Variants in MNS1 observed in about 807,000 individuals in gnomAD.
MNS1 encodes meiosis specific nuclear structural 1, also known as meiosis-specific nuclear structural protein 1.
Under a neutral mutation model 72.0 loss-of-function variants are expected in MNS1, and 63 were observed. The ratio of observed to expected loss-of-function variants is 0.87; its 90% CI spans 0.71 to 1.08. The LOEUF (loss-of-function observed/expected upper bound fraction) is 1.08. MNS1 is among the 50% of genes least tolerant of loss of function. MNS1 has a pLI of 0.00. For synonymous variants in MNS1, 188 were observed against 172.1 expected, an observed-to-expected ratio of 1.09 and a Z score of -0.72; for missense variants, 604 against 562.4, an observed-to-expected ratio of 1.07 and a Z score of -0.75.
At chr15:56,449,322 C>CTTTTTTTTTTTTTTTTTTTTTTTT (rs576363039) in intron 3 of MNS1, among the ~76,000 whole-genome samples, 15 of 151,230 alleles carry the variant, frequency 9.9e-5, no homozygotes, top group African/African-American at 3.2e-4. Flanking sequence ...TTGCTACACT[C>CTTTTTTTTTTTTTTTTTTTTTTTT]TTTTTATTAA....
rs1268013421 is a variant in MNS1 at position 56,443,757 on chromosome 15, C to T, written c.784G>A (p.Glu262Lys). 5.0e-6 allele frequency: 8 copies of T among 1,613,048 alleles called. No homozygotes were observed. Among genetic ancestry groups the T allele is most frequent in the Non-Finnish European group, 6.8e-6 (8 of 1,179,672 alleles). The part of the protein sequence containing the change: ...QALWRKKKRE[E>K]MEEENRKIIE... ...ATTTTTCTGTTTTCTTCTTCCATCTCCTCACGTTTCTTTTTTCTCCAGAGA... is the reference window on the plus strand; with the variant it reads ...ATTTTTCTGTTTTCTTCTTCCATCTTCTCACGTTTCTTTTTTCTCCAGAGA... The change falls in exon 6 of 10, where the codon GAG (glutamate) becomes AAG (lysine). Residue 262 changes from glutamate to lysine, a missense_variant. Transcript: ENST00000260453.
Position 56,460,013 on chromosome 15 carries a change from C to CATATATATAT in MNS1, c.226-3502_226-3493dup, listed in dbSNP as rs367624285. ...CTCAAAAAAAAAAAAAAAAAAAATA[C>CATATATATAT]ATATATATATATATATATATATGTG... On this transcript the variant is annotated intron_variant, in intron 2 of 9. Coordinates refer to ENST00000260453, the MANE Select transcript of MNS1 (RefSeq NM_018365.4). Among the ~76,000 whole-genome samples, 333 of 34,620 alleles carry CATATATATAT rather than the reference C, an allele frequency of 9.6e-3. 31 individuals carry two copies. Among genetic ancestry groups the CATATATATAT allele is most frequent in the African/African-American group, 0.036 (314 of 8,822 alleles). 22.7% of individuals were successfully genotyped at this position (34,620 alleles called of 152,430 possible).
At chr15:56,463,400 T>A (rs1408841639) in intron 2 of MNS1, among the ~76,000 whole-genome samples, 1 of 152,234 alleles carries the variant, frequency 6.6e-6, no homozygotes, top group African/African-American at 2.4e-5. Context: ...CAGGCACTAT[T>A]CCAAGAGTCT....
At chr15:56,464,294 C>A in intron 1 of MNS1, 47 bp from the exon 2 acceptor site, 1 of 1,351,874 alleles carries the variant, frequency 7.4e-7, no homozygotes, top group South Asian at 1.3e-5. Flanking sequence ...ATTCCAAAAT[C>A]TAATTTTAAA....
chr15:56,445,501 C>T (rs1302831348), intron 4 of MNS1, among the ~76,000 whole-genome samples: 1 of 151,956 alleles, frequency 6.6e-6, no homozygotes, highest in Non-Finnish European at 1.5e-5. Context: ...TCATTCCTGA[C>T]GTCACTGAAG....
chr15:56,444,055 C>G (rs1435638723), intron 5 of MNS1, among the ~76,000 whole-genome samples: 1 of 151,972 alleles, frequency 6.6e-6, no homozygotes, highest in Non-Finnish European at 1.5e-5. Flanking sequence ...ATAGTCTCCT[C>G]TAACCTATTA....
intron 2 of MNS1, among the ~76,000 whole-genome samples, chr15:56,457,217 T>G (rs140440707): frequency 5.9e-5 from 9 of 152,342 alleles, no homozygotes; most frequent in Admixed American, 2.6e-4. Context: ...TGCATTTGAC[T>G]GATTGCTTCC....
intron 9 of MNS1, 108 bp downstream of exon 9, chr15:56,431,265 T>A: frequency 7.6e-7 from 1 of 1,320,544 alleles, no homozygotes; most frequent in Non-Finnish European, 1.0e-6. Flanking sequence ...TGCTGCTTCA[T>A]AACCGAGCAA....
chr15:56,432,791 C>T (rs915385761), intron 8 of MNS1, among the ~76,000 whole-genome samples: 7 of 152,142 alleles, frequency 4.6e-5, no homozygotes, highest in African/African-American at 1.4e-4. Flanking sequence ...TATAACAGCA[C>T]TTGTATTCCC....
intron 7 of MNS1, among the ~76,000 whole-genome samples, chr15:56,436,750 C>T (rs753820382): frequency 1.3e-4 from 19 of 151,866 alleles, no homozygotes; most frequent in Non-Finnish European, 1.9e-4. Context: ...ATCAAATAGA[C>T]GCAATAAAAA....
chr15:56,432,309 T>A (rs2050617405), intron 8 of MNS1, among the ~76,000 whole-genome samples: 1 of 152,188 alleles, frequency 6.6e-6, no homozygotes, highest in South Asian at 2.1e-4. Context: ...AATCAACTTA[T>A]CCATTTAGGA....
chr15:56,455,472 A>G (rs1368841534), intron 3 of MNS1, among the ~76,000 whole-genome samples: 1 of 152,170 alleles, frequency 6.6e-6, no homozygotes, highest in Non-Finnish European at 1.5e-5. Context: ...ACAAGGTTCA[A>G]AATCCATGAA....
chr15:56,434,041 T>C, intron 8 of MNS1, 97 bp downstream of exon 8: 1 of 1,309,980 alleles, frequency 7.6e-7, no homozygotes, highest in Non-Finnish European at 1.0e-6. Context: ...TAACATTGTC[T>C]GGCATATAAA....
Position 56,464,961 on chromosome 15 carries a change from C to A in MNS1, c.3+9G>T, listed in dbSNP as rs369469105. The A allele has an allele frequency of 2.5e-6, 4 of 1,611,706 alleles. No individual in the cohort carries two copies. The highest frequency in any genetic ancestry group is 2.7e-5 in the African/African-American group (2 of 74,842). On this transcript the variant is annotated intron_variant, in intron 1 of 9. Coordinates refer to ENST00000260453, the MANE Select transcript of MNS1 (RefSeq NM_018365.4). ...AAACAAGTAGTTTCAAGTCCCCCAA[C>A]TGGCTCACCATCTTGGCTGACGAAA... is the stretch of plus-strand genomic sequence containing the variant.
intron 8 of MNS1, 28 bp from the exon 9 acceptor site, chr15:56,431,526 C>A: frequency 6.2e-7 from 1 of 1,611,922 alleles, no homozygotes; most frequent in South Asian, 1.1e-5. Context: ...ATTTTGTTAT[C>A]ACAAAGTACA....
intron 8 of MNS1, among the ~76,000 whole-genome samples, chr15:56,432,634 A>T (rs1372743703): frequency 1.3e-5 from 2 of 152,196 alleles, no homozygotes; most frequent in Non-Finnish European, 2.9e-5. Flanking sequence ...TCTATGCATT[A>T]GGTGGCTTTA....
chr15:56,456,352 AG>A (rs1256769820), intron 3 of MNS1, 41 bp downstream of exon 3: 1 of 1,557,690 alleles, frequency 6.4e-7, no homozygotes. Context: ...AAGAGTTTAA[AG>A]ATAAAGACTA....
chr15:56,465,062 C>A lies in MNS1; in HGVS notation c.-90G>T. On this transcript the variant is annotated 5_prime_UTR_variant, in exon 1 of 10. The change creates a new upstream start codon in the 5' untranslated region. Transcript: ENST00000260453. Reference sequence around the variant, plus strand: ...CAGCCAGCAGCCCCAAGGAGCGCACCTGGCTGCGCGCGCTCGGGTGTTTAC... The same window carrying A: ...CAGCCAGCAGCCCCAAGGAGCGCACATGGCTGCGCGCGCTCGGGTGTTTAC... 6.5e-7 allele frequency: 1 copy of A among 1,547,962 alleles called. No individual in the cohort carries two copies. The highest frequency in any genetic ancestry group is 1.2e-5 in the South Asian group (1 of 84,014).
At chr15:56,449,208 CT>C (rs1407781060) in intron 3 of MNS1, among the ~76,000 whole-genome samples, 2 of 152,106 alleles carry the variant, frequency 1.3e-5, no homozygotes, top group Non-Finnish European at 2.9e-5. Flanking sequence ...TGACTAAAAG[CT>C]GTCAGAGCAG....
Sources: gnomAD v4.1 joint callset for allele counts (sites outside exome capture counted in the v4.1 genomes callset) on GRCh38, gnomAD v4.1.1 for gene constraint, MANE v1.5 for transcripts, NCBI Gene and HGNC (gene_info 2026-07-23, HGNC 2026-07-21) for gene names.